TMCC3: variants seen among roughly 807,000 people sequenced by gnomAD.
TMCC3 encodes transmembrane and coiled-coil domain family 3.
TMCC3 carries 28 observed loss-of-function variants against 40.2 expected under a neutral mutation model. That is an observed-to-expected ratio of 0.70 (90% CI 0.52 to 0.95). TMCC3 has a LOEUF of 0.95. TMCC3 is among the 40% of genes least tolerant of loss of function. The pLI is 0.00. For missense variants in TMCC3, 554 were observed against 615.2 expected (o/e 0.90, Z 1.05); for synonymous variants, 255 against 248.5 (o/e 1.03, Z -0.25).
Position 94,613,516 on chromosome 12 carries a change from T to C in TMCC3, c.79-30978A>G, listed in dbSNP as rs574384097. 3.2e-4 allele frequency among the ~76,000 whole-genome samples: 49 copies of C among 152,214 alleles called. 1 individual carries two copies. The highest frequency in any genetic ancestry group is 1.2e-3 in the African/African-American group (49 of 41,530). Reference sequence around the variant, plus strand: ...TAAAAGAAGCAAATCAAAGAACACATACTTTATGAATTCTACTTTATAAAG... The same window carrying C: ...TAAAAGAAGCAAATCAAAGAACACACACTTTATGAATTCTACTTTATAAAG... On this transcript the variant is annotated intron_variant, in intron 1 of 3. Transcript: ENST00000261226.
chr12:94,612,758 TG>T (rs1481680824), intron 1 of TMCC3, among the ~76,000 whole-genome samples: 1 of 152,248 alleles, frequency 6.6e-6, no homozygotes, highest in African/African-American at 2.4e-5. Flanking sequence ...ATTTTTTCAG[TG>T]GTTCTAGGAT....
intron 1 of TMCC3, among the ~76,000 whole-genome samples, chr12:94,590,311 G>A (rs1351506773): frequency 8.2e-6 from 1 of 121,940 alleles, no homozygotes; most frequent in African/African-American, 3.4e-5. Flanking sequence ...TTACTATGTT[G>A]GCCAGGCTGG....
intron 1 of TMCC3, among the ~76,000 whole-genome samples, chr12:94,610,559 T>TACCACC (rs374032691): frequency 6.6e-6 from 1 of 151,996 alleles, no homozygotes; most frequent in Non-Finnish European, 1.5e-5. Flanking sequence ...CTGCCACCCC[T>TACCACC]ACCACCACCA....
At chr12:94,576,669 A>C (rs1298339) in intron 3 of TMCC3, among the ~76,000 whole-genome samples, 58,423 of 151,852 alleles carry the variant, frequency 0.38, 11,459 homozygotes, top group Middle Eastern at 0.43. Context: ...TTTTAGAGAT[A>C]GAGGGGTCTC....
intron 1 of TMCC3, among the ~76,000 whole-genome samples, chr12:94,643,492 G>C (rs1032133485): frequency 1.3e-5 from 2 of 152,194 alleles, no homozygotes; most frequent in Admixed American, 1.3e-4. Context: ...ATCCTCAGGA[G>C]ACCAAACATC....
intron 1 of TMCC3, among the ~76,000 whole-genome samples, chr12:94,622,636 A>T (rs923763691): frequency 6.6e-6 from 1 of 152,150 alleles, no homozygotes; most frequent in South Asian, 2.1e-4. Flanking sequence ...TGATCCAAAA[A>T]ACACATTCAT....
At chr12:94,572,882 G>A (rs1224522400) in intron 3 of TMCC3, among the ~76,000 whole-genome samples, 6 of 152,074 alleles carry the variant, frequency 3.9e-5, no homozygotes, top group East Asian at 1.9e-4. Flanking sequence ...CTCTCTGAAC[G>A]CGGTGTTACT....
chr12:94,586,058 C>T (rs929111600), intron 1 of TMCC3, among the ~76,000 whole-genome samples: 11 of 152,182 alleles, frequency 7.2e-5, no homozygotes, highest in African/African-American at 2.7e-4. Context: ...AAGTTCTGCT[C>T]GCATAGCCCT....
At chr12:94,609,243 G>T (rs576704588) in intron 1 of TMCC3, among the ~76,000 whole-genome samples, 1 of 152,126 alleles carries the variant, frequency 6.6e-6, no homozygotes, top group South Asian at 2.1e-4. Flanking sequence ...ATTAAAAAAA[G>T]AAAAAGAAAA....
rs777473949 is a variant in TMCC3, at chr12:94,578,523, C to T, written c.1002G>A (p.Glu334=). The change falls in exon 3 of 4, where the codon GAG becomes GAA. Residue 334 remains glutamate, a synonymous_variant. Coordinates refer to ENST00000261226, the MANE Select transcript of TMCC3 (RefSeq NM_020698.4). The stretch of plus-strand genomic sequence containing the variant: ...GGTCATGCAGCTGGTCCTCCAGTCG[C>T]TCATACCTTTAAAAGAGAGGAGCCG... ...QTLQEERYRY[E]RLEDQLHDLT... 50 of 1,613,472 alleles carry T rather than the reference C, an allele frequency of 3.1e-5. No homozygotes were observed. Among genetic ancestry groups the T allele is most frequent in the Non-Finnish European group, 4.1e-5 (48 of 1,179,744 alleles).
rs1340993626 is a variant in TMCC3, at chr12:94,575,164, C to T, written c.1131+3230G>A. Among the ~76,000 whole-genome samples, 4 of 152,338 alleles carry T rather than the reference C, an allele frequency of 2.6e-5. No individual in the cohort carries two copies. The East Asian group carries it at 7.7e-4, about 29-fold the overall frequency. On this transcript the variant is annotated intron_variant, in intron 3 of 3. Transcript: ENST00000261226. ...CCCTGACATCCCTGCAGGCAACAGCCTCCCTGTCTCTGGCAGCCCATTCCC... is the reference window on the plus strand; with the variant it reads ...CCCTGACATCCCTGCAGGCAACAGCTTCCCTGTCTCTGGCAGCCCATTCCC...
At chr12:94,592,995 G>T (rs886109883) in intron 1 of TMCC3, among the ~76,000 whole-genome samples, 40 of 151,978 alleles carry the variant, frequency 2.6e-4, no homozygotes, top group African/African-American at 9.7e-4. Context: ...TCAGGAGTTC[G>T]AGACTAGCCT....
At chr12:94,577,270 C>A (rs976272234) in intron 3 of TMCC3, among the ~76,000 whole-genome samples, 2 of 152,002 alleles carry the variant, frequency 1.3e-5, no homozygotes, top group Non-Finnish European at 2.9e-5. Flanking sequence ...CTCATTGCAA[C>A]CTCTGCCTCC....
rs942181575 is a variant in TMCC3 at position 94,571,319 on chromosome 12, C to T, written c.*116G>A. On this transcript the variant is annotated 3_prime_UTR_variant, in exon 4 of 4. Transcript: ENST00000261226. ...ATTGTAGTTATTTACACCACACAGT[C>T]CTAGTTTTTCTTACACACGAGTCCG... 6 of 1,055,186 alleles carry T rather than the reference C, an allele frequency of 5.7e-6. No homozygotes were observed. Among genetic ancestry groups the T allele is most frequent in the Non-Finnish European group, 1.4e-6 (1 of 728,710 alleles). 65.4% of individuals were successfully genotyped at this position (1,055,186 alleles called of 1,614,324 possible). A position where few individuals can be genotyped will look rare whatever the true frequency, so the allele number is the denominator to read the frequency against.
rs537727320 is a variant in TMCC3, at chr12:94,612,588, C to T, written c.79-30050G>A. 4.6e-5 allele frequency among the ~76,000 whole-genome samples: 7 copies of T among 152,256 alleles called. No homozygotes were observed. In the South Asian group the frequency reaches 1.4e-3, roughly 32 times the overall value. On this transcript the variant is annotated intron_variant, in intron 1 of 3. Coordinates refer to ENST00000261226, the MANE Select transcript of TMCC3 (RefSeq NM_020698.4). ...GCCCCCAAAGTGCTGGGATTACAGGCGTGAGCCACCGCACCTGGCCTCAAG... is the reference window on the plus strand; with the variant it reads ...GCCCCCAAAGTGCTGGGATTACAGGTGTGAGCCACCGCACCTGGCCTCAAG...
At chr12:94,591,498 C>T (rs2068675376) in intron 1 of TMCC3, among the ~76,000 whole-genome samples, 1 of 151,850 alleles carries the variant, frequency 6.6e-6, no homozygotes, top group East Asian at 1.9e-4. Context: ...GTGGCTCACA[C>T]CTGTAATCTC....
chr12:94,594,382 C>G (rs1367640925), intron 1 of TMCC3, among the ~76,000 whole-genome samples: 1 of 152,000 alleles, frequency 6.6e-6, no homozygotes, highest in Non-Finnish European at 1.5e-5. Flanking sequence ...CATGAGCCAC[C>G]GTGTCTGGCA....
chr12:94,568,527 T>A lies in TMCC3; in HGVS notation c.*2908A>T, dbSNP rs984100083. ...GAAAGGGGTGGGGAAAGGATTATAG[T>A]TGACACAAACATAAATTAAATATCC... On this transcript the variant is annotated 3_prime_UTR_variant, in exon 4 of 4. Coordinates refer to ENST00000261226, the MANE Select transcript of TMCC3 (RefSeq NM_020698.4). 2.0e-5 allele frequency: 3 copies of A among 152,210 alleles called. No individual in the cohort carries two copies. The highest frequency in any genetic ancestry group is 4.4e-5 in the Non-Finnish European group (3 of 68,038). 9.4% of individuals were successfully genotyped at this position (152,210 alleles called of 1,614,324 possible).
At position 94,582,109 on chromosome 12, in the gene TMCC3, C is replaced by G; in HGVS notation, c.508G>C (p.Ala170Pro). Residue 170 changes from alanine to proline, a missense_variant, in exon 2 of 4, where the codon GCC (alanine) becomes CCC (proline). By Grantham distance (27) the Ala-to-Pro change is conservative. Coordinates refer to ENST00000261226, the MANE Select transcript of TMCC3 (RefSeq NM_020698.4). ...GGGGCAGTTCGAGATTTCACGTGGG[C>G]ATCTTTCAAAGAGCGATGTATATCC... The part of the protein sequence containing the change: ...LKDIHRSLKD[A>P]HVKSRTAPHC... The G allele has an allele frequency of 6.2e-7, 1 of 1,614,154 alleles. No homozygotes were observed. Among genetic ancestry groups the G allele is most frequent in the Non-Finnish European group, 8.5e-7 (1 of 1,180,036 alleles).
Sources: allele counts gnomAD v4.1 joint callset (sites outside exome capture counted in the v4.1 genomes callset), GRCh38; gene constraint gnomAD v4.1.1; transcripts MANE v1.5; gene names NCBI Gene and HGNC (gene_info 2026-07-23, HGNC 2026-07-21).